The following SHANK2 variants were observed in gnomAD, a reference collection of about 807,000 sequenced individuals.
The protein encoded by SHANK2 is SH3 and multiple ankyrin repeat domains protein 2.
In SHANK2, 43 loss-of-function variants were observed where a neutral mutation model predicts 133.7. The observed-to-expected ratio is 0.32, with a 90% CI of 0.25 to 0.41. The LOEUF (loss-of-function observed/expected upper bound fraction) is 0.41. SHANK2 is among the 10% of genes least tolerant of loss of function. The pLI is 1.00. For missense variants in SHANK2, 1,994 were observed against 2,235.8 expected (o/e 0.89, Z 2.18); for synonymous variants, 1,017 against 952.8 (o/e 1.07, Z -1.24).
chr11:71,183,851 G>C (rs1953614903), intron 2 of SHANK2, among the ~76,000 whole-genome samples: 1 of 152,208 alleles, frequency 6.6e-6, no homozygotes, highest in East Asian at 1.9e-4. Flanking sequence ...AGCTGATGAG[G>C]CCAAGTTTAT....
At chr11:71,199,213 C>G (rs1953971796) in intron 2 of SHANK2, among the ~76,000 whole-genome samples, 1 of 152,220 alleles carries the variant, frequency 6.6e-6, no homozygotes, top group African/African-American at 2.4e-5. Flanking sequence ...GTCACCAGAC[C>G]TCTCTGAACC....
At position 70,615,282 on chromosome 11, in the gene SHANK2, C is replaced by G. The variant is rs1240760510; in HGVS notation, c.2061+44546G>C. Among the ~76,000 whole-genome samples, 3 of 152,252 alleles carry G rather than the reference C, an allele frequency of 2.0e-5. No individual in the cohort carries two copies. The East Asian group carries it at 5.8e-4, about 29-fold the overall frequency. ...TGGACTCTGTGATGAGGGCCTGATA[C>G]CTGGTGTGGGACTGTCCTCTAGGTG... On this transcript the variant is annotated intron_variant, in intron 17 of 25. Transcript: ENST00000601538.
At chr11:70,633,417 T>C (rs2061027575) in intron 17 of SHANK2, 1 of 152,014 alleles carries the variant, frequency 6.6e-6, no homozygotes. Flanking sequence ...AACAACATGA[T>C]AGAAAACCAA....
Position 71,188,788 on chromosome 11 carries a change from G to A in SHANK2, c.-13+35909C>T, listed in dbSNP as rs540362083. Reference sequence around the variant, plus strand: ...GTGCTGGCCTCACTGAGATAACTACGACCACCTCCAAATGGAGCTAAGGCC... The same window carrying A: ...GTGCTGGCCTCACTGAGATAACTACAACCACCTCCAAATGGAGCTAAGGCC... On this transcript the variant is annotated intron_variant, in intron 2 of 25. Coordinates refer to ENST00000601538, the MANE Select transcript of SHANK2 (RefSeq NM_012309.5). The surrounding 1 kb of genome is among the most constrained non-coding windows in gnomAD (Gnocchi z 4.6). Among the ~76,000 whole-genome samples the A allele has an allele frequency of 1.3e-5, 2 of 152,262 alleles. No homozygotes were observed. Among genetic ancestry groups the A allele is most frequent in the Middle Eastern group, 3.4e-3 (1 of 294 alleles).
intron 14 of SHANK2, among the ~76,000 whole-genome samples, chr11:70,745,716 A>G (rs1248615440): frequency 6.6e-6 from 1 of 152,004 alleles, no homozygotes; most frequent in Non-Finnish European, 1.5e-5. Flanking sequence ...TCTGCCTCCT[A>G]CTTCTGTGAG....
intron 11 of SHANK2, among the ~76,000 whole-genome samples, chr11:70,881,574 T>TAATAATAATAATAA (rs1565380943): frequency 5.1e-5 from 2 of 39,366 alleles, no homozygotes; most frequent in African/African-American, 8.4e-5. Flanking sequence ...AATAATAATA[T>TAATAATAATAATAA]TAATAATAAT....
At chr11:71,087,273 A>C (rs1951431764) in intron 8 of SHANK2, among the ~76,000 whole-genome samples, 1 of 152,156 alleles carries the variant, frequency 6.6e-6, no homozygotes, top group South Asian at 2.1e-4. Context: ...CCTCCATCCC[A>C]GGGCCAGCTG....
intron 3 of SHANK2, among the ~76,000 whole-genome samples, chr11:71,131,848 C>T (rs528238887): frequency 2.0e-5 from 3 of 152,344 alleles, no homozygotes; most frequent in South Asian, 2.1e-4. Flanking sequence ...AACACATCAT[C>T]TCTTCCTTAT....
At position 71,083,646 on chromosome 11, in the gene SHANK2, C is replaced by A. The variant is rs917758771; in HGVS notation, c.913-8371G>T. Among the ~76,000 whole-genome samples, 25 of 152,256 alleles carry A rather than the reference C, an allele frequency of 1.6e-4. 1 individual carries two copies. The highest frequency in any genetic ancestry group is 1.4e-3 in the Admixed American group (22 of 15,296). On this transcript the variant is annotated intron_variant, in intron 8 of 25. Coordinates refer to ENST00000601538, the MANE Select transcript of SHANK2 (RefSeq NM_012309.5). ...GAGGGAGGGAGAGAGCCAGGCTTTGCCCCAAGGAAGGTACCGGGGTTCAGC... is the reference window on the plus strand; with the variant it reads ...GAGGGAGGGAGAGAGCCAGGCTTTGACCCAAGGAAGGTACCGGGGTTCAGC...
chr11:70,702,364 T>TCAC (rs1421717831), intron 14 of SHANK2, among the ~76,000 whole-genome samples: 4 of 148,550 alleles, frequency 2.7e-5, no homozygotes, highest in Non-Finnish European at 4.5e-5. Flanking sequence ...ACCATCACCA[T>TCAC]CATCACCACC....
Position 71,086,039 on chromosome 11 carries a change from TATATA to T in SHANK2, c.912+6378_912+6382del, listed in dbSNP as rs1246617964. Among the ~76,000 whole-genome samples the T allele has an allele frequency of 7.8e-5, 7 of 89,320 alleles. 2 individuals are homozygous for T. Among genetic ancestry groups the T allele is most frequent in the Admixed American group, 2.0e-4 (1 of 4,996 alleles). The allele number at this position is 89,320 out of a possible 152,430, so 58.6% of individuals were successfully genotyped here. A position where few individuals can be genotyped will look rare whatever the true frequency, so the allele number is the denominator to read the frequency against. ...ATAACATATTATATGTTATATATATTATATAATATGTTATATAATATATTATATAA... is the reference window on the plus strand; with the variant it reads ...ATAACATATTATATGTTATATATATTATATGTTATATAATATATTATATAA... On this transcript the variant is annotated intron_variant, in intron 8 of 25. Coordinates refer to ENST00000601538, the MANE Select transcript of SHANK2 (RefSeq NM_012309.5).
At chr11:70,521,644 ATGTGTG>A (rs571658417) in intron 17 of SHANK2, among the ~76,000 whole-genome samples, 1 of 152,152 alleles carries the variant, frequency 6.6e-6, no homozygotes, top group Non-Finnish European at 1.5e-5. Flanking sequence ...CTGTATGTGT[ATGTGTG>A]TGTGCACGTG....
At chr11:70,715,965 G>A (rs959532197) in intron 14 of SHANK2, among the ~76,000 whole-genome samples, 1 of 152,186 alleles carries the variant, frequency 6.6e-6, no homozygotes, top group East Asian at 1.9e-4. Context: ...GCCTCTGGCT[G>A]TGGACAGGGC....
At chr11:70,672,056 T>G (rs1399705789) in intron 15 of SHANK2, among the ~76,000 whole-genome samples, 2 of 131,104 alleles carry the variant, frequency 1.5e-5, no homozygotes, top group African/African-American at 5.7e-5. Context: ...CATACTTTTC[T>G]TTTCTTTTTC....
intron 17 of SHANK2, among the ~76,000 whole-genome samples, chr11:70,605,071 G>A (rs1554991912): frequency 6.6e-6 from 1 of 152,272 alleles, no homozygotes; most frequent in East Asian, 1.9e-4. Flanking sequence ...GGGGCCTGCA[G>A]CAGCCCTCCG....
At chr11:70,636,386 TGTATGA>T (rs1209962852) in intron 17 of SHANK2, among the ~76,000 whole-genome samples, 2 of 123,818 alleles carry the variant, frequency 1.6e-5, no homozygotes, top group Non-Finnish European at 3.8e-5. Flanking sequence ...TGAGTCTGTG[TGTATGA>T]GTGTGTATGC....
intron 9 of SHANK2, among the ~76,000 whole-genome samples, chr11:71,074,617 C>A (rs1053925498): frequency 2.0e-5 from 3 of 152,056 alleles, no homozygotes; most frequent in Non-Finnish European, 2.9e-5. Flanking sequence ...ACAGACAATG[C>A]GAGCTATTTT....
In SHANK2 at chr11:70,500,756, A is replaced by G. The variant is rs1591508989; in HGVS notation, c.2288-166T>C. On this transcript the variant is annotated intron_variant, in intron 20 of 25. Coordinates refer to ENST00000601538, the MANE Select transcript of SHANK2 (RefSeq NM_012309.5). This position sits in a 1 kb window ranked among gnomAD's most constrained non-coding sequence, Gnocchi z 4.5. ...GCTGCGAACGCAGGCTGCGCTATCC[A>G]TGGAGTGGCTTTCCCCAAACCTTGG... 5.5e-6 allele frequency: 5 copies of G among 901,748 alleles called. No individual in the cohort carries two copies. The highest frequency in any genetic ancestry group is 1.4e-5 in the South Asian group (1 of 70,800). 55.9% of individuals were successfully genotyped at this position (901,748 alleles called of 1,614,324 possible). A position where few individuals can be genotyped will look rare whatever the true frequency, so the allele number is the denominator to read the frequency against.
intron 7 of SHANK2, among the ~76,000 whole-genome samples, chr11:71,093,550 A>G (rs782531733): frequency 6.6e-6 from 1 of 151,936 alleles, no homozygotes; most frequent in Non-Finnish European, 1.5e-5. Context: ...CATGAGATCT[A>G]CTGTTTAAAA....
Sources: allele counts gnomAD v4.1 joint callset (sites outside exome capture counted in the v4.1 genomes callset), GRCh38; gene constraint gnomAD v4.1.1; non-coding constraint Gnocchi (gnomAD v3.1); transcripts MANE v1.5; gene names NCBI Gene and HGNC (gene_info 2026-07-23, HGNC 2026-07-21).